Variants in GATB observed in about 807,000 individuals in gnomAD.
GATB encodes the protein glutamyl-tRNA amidotransferase subunit B.
In GATB, 39 loss-of-function variants were observed where a neutral mutation model predicts 62.3. The ratio of observed to expected loss-of-function variants is 0.63; its 90% CI spans 0.48 to 0.82. The LOEUF is 0.82. GATB is among the 40% of genes least tolerant of loss of function. The pLI, the probability that GATB is intolerant of heterozygous loss-of-function variation, is 0.00. For synonymous variants in GATB, 276 were observed against 258.9 expected (o/e 1.07, Z -0.63); for missense variants, 670 against 684.0 (o/e 0.98, Z 0.23).
At chr4:151,725,581 T>A (rs138729803) in intron 2 of GATB, among the ~76,000 whole-genome samples, 1 of 152,330 alleles carries the variant, frequency 6.6e-6, no homozygotes, top group East Asian at 1.9e-4. Flanking sequence ...ATAAGGAACA[T>A]TTGTGATAAC....
At position 151,708,043 on chromosome 4, in the gene GATB, G is replaced by A. The variant is rs762516853; in HGVS notation, c.822C>T (p.Gly274=). 18 of 1,613,946 alleles carry A rather than the reference G, an allele frequency of 1.1e-5. No individual in the cohort carries two copies. Among genetic ancestry groups the A allele is most frequent in the East Asian group, 1.1e-4 (5 of 44,888 alleles). ...TGAGATTCTTCACTTCCGTTCGAAC[G>A]CCCAAAGGCTCCCCAGGGTGATGCA... ...ISVHHPGEPL[G]VRTEVKNLNS... is the part of the protein sequence containing the mutation. The change falls in exon 6 of 13, where the codon GGC becomes GGT. Residue 274 remains glycine (G), a synonymous_variant. Coordinates refer to ENST00000263985, the MANE Select transcript of GATB (RefSeq NM_004564.3).
chr4:151,693,780 A>G (rs1185475201), intron 9 of GATB, among the ~76,000 whole-genome samples: 1 of 152,226 alleles, frequency 6.6e-6, no homozygotes, highest in East Asian at 1.9e-4. Flanking sequence ...GGAAAGCTGG[A>G]AAGTAGACAG....
intron 9 of GATB, among the ~76,000 whole-genome samples, chr4:151,689,751 C>T (rs1578902304): frequency 6.6e-6 from 1 of 152,146 alleles, no homozygotes; most frequent in East Asian, 1.9e-4. Flanking sequence ...ATGAGGCGCG[C>T]ATTCTTATCA....
chr4:151,682,205 G>A (rs6839074), intron 10 of GATB, among the ~76,000 whole-genome samples: 90,818 of 152,032 alleles, frequency 0.6, 29,659 homozygotes, highest in African/African-American at 0.88. Flanking sequence ...CTGTCCCTAC[G>A]ATGCCTGTCA....
In GATB at chr4:151,744,200, A is replaced by G. The variant is rs28407701; in HGVS notation, c.327+14572T>C. Among the ~76,000 whole-genome samples, 1,173 of 152,328 alleles carry G rather than the reference A, an allele frequency of 7.7e-3. 11 individuals carry two copies. Among genetic ancestry groups the G allele is most frequent in the African/African-American group, 0.027 (1,117 of 41,558 alleles). On this transcript the variant is annotated intron_variant, in intron 2 of 12. Coordinates refer to ENST00000263985, the MANE Select transcript of GATB (RefSeq NM_004564.3). The stretch of plus-strand genomic sequence containing the variant: ...CATAAAGAAGTTTAAAAAATAGCTA[A>G]AGGGTTTTAGACAGGAAAATCCTTT...
chr4:151,693,002 C>T (rs1203453926), intron 9 of GATB, among the ~76,000 whole-genome samples: 1 of 152,172 alleles, frequency 6.6e-6, no homozygotes, highest in African/African-American at 2.4e-5. Flanking sequence ...ACTGGAATTG[C>T]ATCCGTCCCC....
chr4:151,720,398 A>G (rs1399474529), intron 2 of GATB: 2 of 152,210 alleles, frequency 1.3e-5, no homozygotes, highest in Non-Finnish European at 2.9e-5. Flanking sequence ...GGGATTTAAG[A>G]TCTACTTTGC....
chr4:151,704,004 G>A, intron 7 of GATB, 109 bp from the exon 8 acceptor site: 1 of 692,406 alleles, frequency 1.4e-6, no homozygotes, highest in East Asian at 2.6e-5. Context: ...ATCAAACTCT[G>A]TGGACTTCCA....
chr4:151,679,508 G>C (rs113275418), intron 11 of GATB, among the ~76,000 whole-genome samples: 2 of 152,162 alleles, frequency 1.3e-5, no homozygotes, highest in Non-Finnish European at 2.9e-5. Context: ...CCTTGGGCAC[G>C]AGGGAAAGTT....
intron 11 of GATB, 94 bp downstream of exon 11, chr4:151,679,719 T>A: frequency 9.9e-7 from 1 of 1,006,764 alleles, no homozygotes; most frequent in South Asian, 1.3e-5. Flanking sequence ...AATACTTCCA[T>A]GATGAAAGTC....
chr4:151,687,335 C>T (rs1004205290), intron 10 of GATB, among the ~76,000 whole-genome samples: 1 of 152,224 alleles, frequency 6.6e-6, no homozygotes, highest in African/African-American at 2.4e-5. Flanking sequence ...TCCCTCACCC[C>T]CGGCCTATAA....
At position 151,730,106 on chromosome 4, in the gene GATB, G is replaced by A. The variant is rs1739214112; in HGVS notation, c.328-10568C>T. 6.6e-6 allele frequency among the ~76,000 whole-genome samples: 1 copy of A among 152,120 alleles called. No individual in the cohort carries two copies. The highest frequency in any genetic ancestry group is 1.5e-5 in the Non-Finnish European group (1 of 68,024). Reference sequence around the variant, plus strand: ...TCGGGGTGTGGTGGGAGTGAGACTGGCCCTTTGGTTTGTGTGGGAGCTGGG... The same window carrying A: ...TCGGGGTGTGGTGGGAGTGAGACTGACCCTTTGGTTTGTGTGGGAGCTGGG... On this transcript the variant is annotated intron_variant, in intron 2 of 12. Coordinates refer to ENST00000263985, the MANE Select transcript of GATB (RefSeq NM_004564.3). The surrounding 1 kb of genome is among the most constrained non-coding windows in gnomAD (Gnocchi z 4.1).
At chr4:151,716,804 C>T (rs181366846) in intron 4 of GATB, 72 bp downstream of exon 4, 53 of 1,375,230 alleles carry the variant, frequency 3.9e-5, no homozygotes, top group East Asian at 3.0e-4. Context: ...AAAACTCTAG[C>T]GGTGAAAAGA....
intron 11 of GATB, among the ~76,000 whole-genome samples, chr4:151,678,993 T>C (rs1738075585): frequency 6.6e-6 from 1 of 152,176 alleles, no homozygotes; most frequent in African/African-American, 2.4e-5. Flanking sequence ...CCTCCCTAAT[T>C]GAAGTGATTC....
intron 9 of GATB, among the ~76,000 whole-genome samples, chr4:151,699,499 C>T (rs1424807153): frequency 1.3e-5 from 2 of 152,004 alleles, no homozygotes; most frequent in East Asian, 1.9e-4. Context: ...CTAGCAAACA[C>T]CTATTTAAGG....
chr4:151,741,659 C>T (rs1295898938), intron 2 of GATB, among the ~76,000 whole-genome samples: 1 of 152,154 alleles, frequency 6.6e-6, no homozygotes, highest in Non-Finnish European at 1.5e-5. Flanking sequence ...AGAAGATTCA[C>T]CCAGGGGGAG....
intron 12 of GATB, among the ~76,000 whole-genome samples, chr4:151,672,094 ATGGG>A (rs1210015038): frequency 6.6e-6 from 1 of 152,122 alleles, no homozygotes; most frequent in Admixed American, 6.5e-5. Context: ...CGGCAAGCTG[ATGGG>A]TGGGTGGGTA....
intron 10 of GATB, chr4:151,687,114 T>G (rs553150444): frequency 1.3e-5 from 2 of 152,370 alleles, no homozygotes; most frequent in East Asian, 3.9e-4. Flanking sequence ...GAACTGCGCT[T>G]CTCATGCTGG....
intron 1 of GATB, among the ~76,000 whole-genome samples, chr4:151,759,805 T>C (rs1220663339): frequency 1.3e-5 from 2 of 152,048 alleles, no homozygotes; most frequent in East Asian, 1.9e-4. Flanking sequence ...TATATATATA[T>C]ACATATTTTA....
Sources: gnomAD v4.1 joint callset for allele counts (sites outside exome capture counted in the v4.1 genomes callset) on GRCh38, gnomAD v4.1.1 for gene constraint, Gnocchi (gnomAD v3.1) non-coding constraint, MANE v1.5 for transcripts, NCBI Gene and HGNC (gene_info 2026-07-23, HGNC 2026-07-21) for gene names.